GALNT9: variants seen among roughly 807,000 people sequenced by gnomAD.
GALNT9 encodes the protein GalNAc transferase 9.
GALNT9 carries 47 observed loss-of-function variants against 63.1 expected under a neutral mutation model. That is an observed-to-expected ratio of 0.75 (90% confidence interval 0.59 to 0.95). The LOEUF is 0.95. GALNT9 is among the 40% of genes least tolerant of loss of function. GALNT9 has a pLI of 0.00. For synonymous variants in GALNT9, 396 were observed against 365.7 expected, an observed-to-expected ratio of 1.08 and a Z score of -0.94; for missense variants, 829 against 874.8, an observed-to-expected ratio of 0.95 and a Z score of 0.66.
At chr12:132,228,330 CGGG>C (rs1877773033) in intron 6 of GALNT9, among the ~76,000 whole-genome samples, 6 of 151,922 alleles carry the variant, frequency 3.9e-5, no homozygotes, top group African/African-American at 1.5e-4. Context: ...GTGTGGGTGG[CGGG>C]GCGGCCCGTC....
chr12:132,304,470 C>T (rs1264334415), intron 1 of GALNT9, among the ~76,000 whole-genome samples: 1 of 55,326 alleles, frequency 1.8e-5, no homozygotes, highest in Admixed American at 2.0e-4. Context: ...CAGCCTCGCC[C>T]GGGCACACGC....
intron 2 of GALNT9, among the ~76,000 whole-genome samples, chr12:132,267,817 TCA>T (rs781940616): frequency 6.4e-5 from 4 of 62,698 alleles, no homozygotes; most frequent in South Asian, 5.0e-4. Context: ...ACACACGCAC[TCA>T]CACATGCAGT....
At chr12:132,212,057 C>T (rs1593066481) in intron 6 of GALNT9, among the ~76,000 whole-genome samples, 1 of 152,242 alleles carries the variant, frequency 6.6e-6, no homozygotes, top group African/African-American at 2.4e-5. Flanking sequence ...CCCCACCCAG[C>T]CAGGCATTGA....
chr12:132,292,348 CT>C (rs1247176951), intron 1 of GALNT9, among the ~76,000 whole-genome samples: 2 of 152,180 alleles, frequency 1.3e-5, no homozygotes, highest in East Asian at 3.9e-4. Flanking sequence ...AGGGCACTGC[CT>C]CCCCCCATCC....
chr12:132,291,160 TCCACAGCACCCACAA>T (rs1880813567), intron 1 of GALNT9, among the ~76,000 whole-genome samples: 1 of 40,870 alleles, frequency 2.4e-5, no homozygotes, highest in Non-Finnish European at 4.1e-5. Context: ...AGCACCCACG[TCCACAGCACCCACAA>T]CCACAGCACC....
chr12:132,240,019 C>A (rs1555236753), intron 6 of GALNT9, among the ~76,000 whole-genome samples: 2 of 152,076 alleles, frequency 1.3e-5, no homozygotes, highest in Non-Finnish European at 2.9e-5. Context: ...GGCTCCCCAA[C>A]CCAGGCCCGC....
intron 6 of GALNT9, among the ~76,000 whole-genome samples, chr12:132,217,802 CCGTCCATT>C (rs1877279143): frequency 6.6e-6 from 1 of 151,572 alleles, no homozygotes; most frequent in Non-Finnish European, 1.5e-5. Flanking sequence ...ATCCATCCAT[CCGTCCATT>C]CACCCATCCA....
intron 6 of GALNT9, among the ~76,000 whole-genome samples, chr12:132,214,574 C>T (rs1249548056): frequency 4.6e-5 from 7 of 152,240 alleles, no homozygotes; most frequent in Non-Finnish European, 7.3e-5. Flanking sequence ...GAGGATGGCC[C>T]ATGCCCCAGA....
intron 6 of GALNT9, among the ~76,000 whole-genome samples, chr12:132,224,849 T>TCCACACACTGTAATGTACACACC (rs1877586638): frequency 3.2e-5 from 3 of 93,702 alleles, no homozygotes; most frequent in African/African-American, 1.3e-4. Context: ...CAACCCACAC[T>TCCACACACTGTAATGTACACACC]CCACACACTG....
chr12:132,219,614 C>T (rs1404970693), intron 6 of GALNT9, among the ~76,000 whole-genome samples: 3 of 152,190 alleles, frequency 2.0e-5, no homozygotes, highest in Non-Finnish European at 2.9e-5. Flanking sequence ...CTGGGGCTGC[C>T]GCCAGAAGTG....
At chr12:132,202,546 A>G (rs1400248644) in intron 7 of GALNT9, among the ~76,000 whole-genome samples, 2 of 152,176 alleles carry the variant, frequency 1.3e-5, no homozygotes, top group Admixed American at 6.5e-5. Flanking sequence ...AGAAGTAGTA[A>G]TATTGTAAAT....
At chr12:132,203,745 C>G (rs994735506) in intron 6 of GALNT9, 55 bp from the exon 7 acceptor site, 1 of 1,561,632 alleles carries the variant, frequency 6.4e-7, no homozygotes, top group Non-Finnish European at 8.6e-7. Context: ...GCGGGCAGCC[C>G]GGCCAGCTAG....
chr12:132,250,934 C>T (rs1878892431), intron 5 of GALNT9, among the ~76,000 whole-genome samples: 1 of 152,186 alleles, frequency 6.6e-6, no homozygotes, highest in Admixed American at 6.5e-5. Flanking sequence ...ACAGGGAGGC[C>T]TAGTGAGCCC....
intron 6 of GALNT9, among the ~76,000 whole-genome samples, chr12:132,210,624 G>C (rs1036966577): frequency 2.0e-5 from 3 of 152,222 alleles, no homozygotes; most frequent in Non-Finnish European, 4.4e-5. Context: ...GCATGCTTGA[G>C]GCCCGAGCCC....
At chr12:132,304,407 A>G (rs1202698882) in intron 1 of GALNT9, among the ~76,000 whole-genome samples, 7 of 89,736 alleles carry the variant, frequency 7.8e-5, no homozygotes, top group Admixed American at 1.2e-4. Flanking sequence ...ACCCTCACCC[A>G]GACACGCCCT....
rs2136896271 is a variant in GALNT9 at position 132,238,788 on chromosome 12, G to A, written c.1077+9122C>T. ...ATCTGCAGGCCACCCGCCCAGGGACGTGCTACCATTTACCTAACACACGTC... is the reference window on the plus strand; with the variant it reads ...ATCTGCAGGCCACCCGCCCAGGGACATGCTACCATTTACCTAACACACGTC... On this transcript the variant is annotated intron_variant, in intron 6 of 10. Transcript: ENST00000328957. The surrounding 1 kb of genome is among the most constrained non-coding windows in gnomAD (Gnocchi z 6.5). Among the ~76,000 whole-genome samples the A allele has an allele frequency of 6.6e-6, 1 of 152,294 alleles. No homozygotes were observed. Among genetic ancestry groups the A allele is most frequent in the South Asian group, 2.1e-4 (1 of 4,822 alleles).
intron 6 of GALNT9, among the ~76,000 whole-genome samples, chr12:132,225,404 C>T (rs910795323): frequency 6.9e-6 from 1 of 144,650 alleles, no homozygotes; most frequent in African/African-American, 2.6e-5. Flanking sequence ...CACATACACA[C>T]CACACAACCC....
chr12:132,274,589 T>A (rs782162552), intron 2 of GALNT9: 1 of 152,262 alleles, frequency 6.6e-6, no homozygotes, highest in African/African-American at 2.4e-5. Flanking sequence ...CAGGGCTCCA[T>A]GTGTGGCCTT....
At chr12:132,297,465 G>A (rs1434080793) in intron 1 of GALNT9, among the ~76,000 whole-genome samples, 5 of 143,870 alleles carry the variant, frequency 3.5e-5, no homozygotes, top group Non-Finnish European at 7.6e-5. Context: ...AACTCACTCT[G>A]AGATGACCAA....
Sources: gnomAD v4.1 joint callset for allele counts (sites outside exome capture counted in the v4.1 genomes callset) on GRCh38, gnomAD v4.1.1 for gene constraint, Gnocchi (gnomAD v3.1) non-coding constraint, MANE v1.5 for transcripts, NCBI Gene and HGNC (gene_info 2026-07-23, HGNC 2026-07-21) for gene names.